The following FITM2 variants were observed in gnomAD, a reference collection of about 807,000 sequenced individuals.
FITM2 encodes fat storage inducing transmembrane protein 2.
In FITM2, 16 loss-of-function variants were observed where a neutral mutation model predicts 23.3. The ratio of observed to expected loss-of-function variants is 0.69; its 90% CI spans 0.47 to 1.05. FITM2 has a LOEUF of 1.05. Among genes scored for constraint, FITM2 ranks in the 50% least tolerant of loss-of-function variants. FITM2 has a pLI of 0.00. For synonymous variants in FITM2, 132 were observed against 142.0 expected (o/e 0.93, Z 0.50); for missense variants, 273 against 327.5 (o/e 0.83, Z 1.29).
rs1486412273 is a variant in FITM2 at position 44,307,144 on chromosome 20, GA to G, written c.269del (p.Val90AlafsTer5). Reference sequence around the variant, plus strand: ...CAAGCAGGGTGCTCAGCCGCCGCAGGACCAAGCCAGCCTTGCCGGTCAGATG... The same window carrying G: ...CAAGCAGGGTGCTCAGCCGCCGCAGGCCAAGCCAGCCTTGCCGGTCAGATG... ...NYHLTGKAGL[V>X]LRRLSTLLVG... is the part of the protein sequence containing the mutation. On this transcript the variant is annotated frameshift_variant, in exon 2 of 2. Transcript: ENST00000396825. LOFTEE classifies it high-confidence loss of function. 1 of 1,614,238 alleles carries G rather than the reference GA, an allele frequency of 6.2e-7. No individual in the cohort carries two copies. Among genetic ancestry groups the G allele is most frequent in the Non-Finnish European group, 8.5e-7 (1 of 1,180,046 alleles).
chr20:44,307,650 T>A (rs1239092497), intron 1 of FITM2, among the ~76,000 whole-genome samples: 1 of 151,666 alleles, frequency 6.6e-6, no homozygotes, highest in East Asian at 2.0e-4. Context: ...GGTCTCGAAC[T>A]CCTGGCCTCA....
Position 44,305,911 on chromosome 20 carries a change from G to C in FITM2, c.*714C>G, listed in dbSNP as rs2062688260. 1.3e-5 allele frequency: 2 copies of C among 151,832 alleles called. No homozygotes were observed. The highest frequency in any genetic ancestry group is 4.8e-5 in the African/African-American group (2 of 41,320). The allele number at this position is 151,832 out of a possible 1,614,324, so 9.4% of individuals were successfully genotyped here. ...TGTTTTGTTTTGTTTTTTCTTTTTT[G>C]AGGTGGAGTCTGCTCTGTCACCCAG... On this transcript the variant is annotated 3_prime_UTR_variant, in exon 2 of 2. Coordinates refer to ENST00000396825, the MANE Select transcript of FITM2 (RefSeq NM_001080472.4).
Position 44,307,161 on chromosome 20 carries a change from C to T in FITM2, c.253G>A (p.Gly85Ser), listed in dbSNP as rs771219892. 29 of 1,614,150 alleles carry T rather than the reference C, an allele frequency of 1.8e-5. No homozygotes were observed. The highest frequency in any genetic ancestry group is 6.6e-5 in the South Asian group (6 of 91,076). ...FIALTNYHLT[G>S]KAGLVLRRLS... ...CGCCGCAGGACCAAGCCAGCCTTGC[C>T]GGTCAGATGGTAGTTGGTGAGGGCA... The change falls in exon 2 of 2, where the codon GGC (glycine) becomes AGC (serine). Residue 85 changes from glycine (G) to serine (S), a missense_variant. Gly to Ser is a moderately conservative substitution (Grantham distance 56). Coordinates refer to ENST00000396825, the MANE Select transcript of FITM2 (RefSeq NM_001080472.4).
rs534610046 is a variant in FITM2 at position 44,305,201 on chromosome 20, T to G, written c.*1424A>C. ...CATGTGCCAGAGTGCAGCACTGGCC[T>G]TGTGAGTTATTTTCAGGAGTTTTAT... On this transcript the variant is annotated 3_prime_UTR_variant, in exon 2 of 2. Transcript: ENST00000396825. 24 of 152,310 alleles carry G rather than the reference T, an allele frequency of 1.6e-4. No individual in the cohort carries two copies. The highest frequency in any genetic ancestry group is 5.8e-4 in the African/African-American group (24 of 41,558). 9.4% of individuals were successfully genotyped at this position (152,310 alleles called of 1,614,324 possible). A position where few individuals can be genotyped will look rare whatever the true frequency, so the allele number is the denominator to read the frequency against.
chr20:44,305,319 A>T lies in FITM2; in HGVS notation c.*1306T>A, dbSNP rs1375984448. The T allele has an allele frequency of 6.6e-6, 1 of 152,220 alleles. No individual in the cohort carries two copies. The highest frequency in any genetic ancestry group is 1.9e-4 in the East Asian group (1 of 5,204). The allele number at this position is 152,220 out of a possible 1,614,324, so 9.4% of individuals were successfully genotyped here. A position where few individuals can be genotyped will look rare whatever the true frequency, so the allele number is the denominator to read the frequency against. On this transcript the variant is annotated 3_prime_UTR_variant, in exon 2 of 2. Transcript: ENST00000396825. ...AAAAGTAATCTTATTGCTCCAAAAA[A>T]ACCAGCATATAGTAATAGAAAACAT...
At position 44,307,188 on chromosome 20, in the gene FITM2, T is replaced by C; in HGVS notation, c.226A>G (p.Ile76Val). ...AWTFCLLLPF[I>V]ALTNYHLTGK... Reference sequence around the variant, plus strand: ...GTCAGATGGTAGTTGGTGAGGGCAATGAAAGGCAGAAGGAGACAGAACGTC... The same window carrying C: ...GTCAGATGGTAGTTGGTGAGGGCAACGAAAGGCAGAAGGAGACAGAACGTC... The change falls in exon 2 of 2, where the codon ATT becomes GTT. Residue 76 changes from isoleucine to valine, a missense_variant. Ile to Val is a conservative substitution (Grantham distance 29, BLOSUM62 3). Around this residue, in one of 3 missense-constraint regions of FITM2, gnomAD observed 123 missense variants for 117.9 expected, o/e 1.04. Coordinates refer to ENST00000396825, the MANE Select transcript of FITM2 (RefSeq NM_001080472.4). The C allele has an allele frequency of 6.2e-7, 1 of 1,614,018 alleles. No individual in the cohort carries two copies. The highest frequency in any genetic ancestry group is 8.5e-7 in the Non-Finnish European group (1 of 1,179,998).
rs1600586153 is a variant in FITM2 at position 44,307,170 on chromosome 20, G to A, written c.244C>T (p.His82Tyr). ...LLPFIALTNYHLTGKAGLVLR... is the reference protein window; with the variant it reads ...LLPFIALTNYYLTGKAGLVLR... ...ACCAAGCCAGCCTTGCCGGTCAGAT[G>A]GTAGTTGGTGAGGGCAATGAAAGGC... Residue 82 changes from histidine to tyrosine, a missense_variant, in exon 2 of 2, where the codon CAT becomes TAT. Physicochemically the swap from His to Tyr is moderately conservative, Grantham distance 83 (BLOSUM62 2). Transcript: ENST00000396825. The A allele has an allele frequency of 2.5e-6, 4 of 1,614,198 alleles. No homozygotes were observed. The highest frequency in any genetic ancestry group is 1.7e-4 in the Middle Eastern group (1 of 6,060).
rs554959292 is a variant in FITM2, at chr20:44,311,021, G to A, written c.128C>T (p.Pro43Leu). The change falls in exon 1 of 2, where the codon CCG (proline) becomes CTG (leucine). Residue 43 changes from proline to leucine, a missense_variant. Transcript: ENST00000396825. Reference protein sequence around the residue: ...LAGSLLKELSPLPESYLSNKR... With the variant: ...LAGSLLKELSLLPESYLSNKR... ...GTTGCTGAGGTAGCTCTCGGGCAAC[G>A]GGGACAACTCCTTGAGGAGGGAGCC... is the stretch of plus-strand genomic sequence containing the variant. 2.1e-5 allele frequency: 33 copies of A among 1,581,434 alleles called. No homozygotes were observed. Among genetic ancestry groups the A allele is most frequent in the Non-Finnish European group, 2.8e-5 (33 of 1,165,084 alleles).
rs942306866 is a variant in FITM2 at position 44,306,802 on chromosome 20, C to T, written c.612G>A (p.Leu204=). ...AATAAACAGCTGTGCACAGAAACAT[C>T]AACACCCAGATGAAAGTCAGAATGC... ...ALGILTFIWV[L]MFLCTAVYFH... Residue 204 remains leucine, a synonymous_variant, in exon 2 of 2, where the codon TTG becomes TTA. Coordinates refer to ENST00000396825, the MANE Select transcript of FITM2 (RefSeq NM_001080472.4). 3.1e-6 allele frequency: 5 copies of T among 1,614,054 alleles called. No individual in the cohort carries two copies. In the African/African-American group the frequency reaches 6.7e-5, roughly 22 times the overall value.
chr20:44,308,925 AC>A (rs1193498737), intron 1 of FITM2, among the ~76,000 whole-genome samples: 2 of 152,004 alleles, frequency 1.3e-5, no homozygotes, highest in Non-Finnish European at 2.9e-5. Flanking sequence ...CTTGACTCTG[AC>A]TTAACTTATT....
At chr20:44,309,218 C>T (rs905185359) in intron 1 of FITM2, among the ~76,000 whole-genome samples, 2 of 151,008 alleles carry the variant, frequency 1.3e-5, no homozygotes, top group Admixed American at 6.6e-5. Flanking sequence ...CTCACTCTGC[C>T]ATCCAGGCTG....
chr20:44,308,609 C>T (rs1244823782), intron 1 of FITM2, among the ~76,000 whole-genome samples: 2 of 152,216 alleles, frequency 1.3e-5, no homozygotes, highest in Non-Finnish European at 2.9e-5. Context: ...AATCACACCT[C>T]ACTGCAGCCT....
Position 44,310,239 on chromosome 20 carries a change from A to G in FITM2, c.173+737T>C, listed in dbSNP as rs1360819213. On this transcript the variant is annotated intron_variant, in intron 1 of 1. Transcript: ENST00000396825. ...TTCAGAGTTTCCCTTTATGACCGCA[A>G]CAGAGTTTTTGTGCAATAAACTTAC... Among the ~76,000 whole-genome samples, 3 of 152,238 alleles carry G rather than the reference A, an allele frequency of 2.0e-5. No homozygotes were observed. The East Asian group carries it at 5.8e-4, about 29-fold the overall frequency.
Position 44,306,642 on chromosome 20 carries a change from C to A in FITM2, c.772G>T (p.Asp258Tyr), listed in dbSNP as rs779434733. Residue 258 changes from aspartate to tyrosine, a missense_variant, in exon 2 of 2, where the codon GAT (aspartate) becomes TAT (tyrosine). Around this residue, in one of 3 missense-constraint regions of FITM2, gnomAD observed 33 missense variants for 26.3 expected, o/e 1.25. Transcript: ENST00000396825. ...TTACTCTTTTATTTCTTGTAACTAT[C>A]TTGCTTCAAATTCAAACTACAGCTC... ...PQSCSLNLKQDSYKK is the reference protein window; with the variant it reads ...PQSCSLNLKQYSYKK 2.2e-5 allele frequency: 36 copies of A among 1,613,504 alleles called. No homozygotes were observed. The highest frequency in any genetic ancestry group is 9.9e-5 in the South Asian group (9 of 90,990).
In FITM2 at chr20:44,307,033, C is replaced by A. The variant is rs1399519225; in HGVS notation, c.381G>T (p.Leu127=). The change falls in exon 2 of 2, where the codon CTG becomes CTT. Residue 127 remains leucine (L), a synonymous_variant. Transcript: ENST00000396825. ...YTGSCYQSPA[L]EGVRKEHQSK... is the part of the protein sequence containing the mutation. ...TCTGGTGTTCCTTTCTGACCCCCTCCAGGGCTGGGGACTGGTAGCAGCTGC... is the reference window on the plus strand; with the variant it reads ...TCTGGTGTTCCTTTCTGACCCCCTCAAGGGCTGGGGACTGGTAGCAGCTGC... 2 of 1,614,210 alleles carry A rather than the reference C, an allele frequency of 1.2e-6. No homozygotes were observed. The highest frequency in any genetic ancestry group is 1.7e-6 in the Non-Finnish European group (2 of 1,180,042).
In FITM2 at chr20:44,304,901, T is replaced by G. The variant is rs1281654091; in HGVS notation, c.*1724A>C. On this transcript the variant is annotated 3_prime_UTR_variant, in exon 2 of 2. Coordinates refer to ENST00000396825, the MANE Select transcript of FITM2 (RefSeq NM_001080472.4). ...TTTCTGGTTTGATTATCTTATTTAT[T>G]TATAGAAACCAGGGTCTCACTATGT... 1.3e-5 allele frequency: 2 copies of G among 152,176 alleles called. No homozygotes were observed. The highest frequency in any genetic ancestry group is 4.8e-5 in the African/African-American group (2 of 41,432). 9.4% of individuals were successfully genotyped at this position (152,176 alleles called of 1,614,324 possible). A position where few individuals can be genotyped will look rare whatever the true frequency, so the allele number is the denominator to read the frequency against.
rs374581060 is a variant in FITM2, at chr20:44,311,181, G to C, written c.-33C>G. ...CTCGTCAGCCACCGTCCTCCTCTCC[G>C]TGCCCTCTCGGCCACCGTATCGCCC... On this transcript the variant is annotated 5_prime_UTR_variant, in exon 1 of 2. Transcript: ENST00000396825. 6.3e-7 allele frequency: 1 copy of C among 1,595,138 alleles called. No individual in the cohort carries two copies. The highest frequency in any genetic ancestry group is 2.3e-5 in the East Asian group (1 of 44,088).
intron 1 of FITM2, among the ~76,000 whole-genome samples, chr20:44,309,019 C>CA (rs2062698105): frequency 6.6e-6 from 1 of 150,394 alleles, no homozygotes; most frequent in Non-Finnish European, 1.5e-5. Flanking sequence ...TTTTTTGAGA[C>CA]AGAGTTTTCA....
At position 44,303,038 on chromosome 20, in the gene FITM2, A is replaced by G. The variant is rs2062681070; in HGVS notation, c.*3587T>C. On this transcript the variant is annotated 3_prime_UTR_variant, in exon 2 of 2. Coordinates refer to ENST00000396825, the MANE Select transcript of FITM2 (RefSeq NM_001080472.4). ...GCATGGCAGTATTCTATGATCACAGATGCCCCCAGAGCCTGGGGGTAACCG... is the reference window on the plus strand; with the variant it reads ...GCATGGCAGTATTCTATGATCACAGGTGCCCCCAGAGCCTGGGGGTAACCG... 1 of 152,172 alleles carries G rather than the reference A, an allele frequency of 6.6e-6. No homozygotes were observed. The highest frequency in any genetic ancestry group is 1.5e-5 in the Non-Finnish European group (1 of 68,028). The allele number at this position is 152,172 out of a possible 1,614,324, so 9.4% of individuals were successfully genotyped here. A position where few individuals can be genotyped will look rare whatever the true frequency, so the allele number is the denominator to read the frequency against.
Sources: gnomAD v4.1 joint callset for allele counts (sites outside exome capture counted in the v4.1 genomes callset) on GRCh38, gnomAD v4.1.1 for gene constraint, gnomAD v4.1.1 regional missense constraint, MANE v1.5 for transcripts, NCBI Gene and HGNC (gene_info 2026-07-23, HGNC 2026-07-21) for gene names.